The following ATP2B2 variants were observed in gnomAD, a reference collection of about 807,000 sequenced individuals.
The protein encoded by ATP2B2 is ATPase plasma membrane Ca2+ transporting 2, also known as plasma membrane calcium-transporting ATPase 2.
ATP2B2 carries 15 observed loss-of-function variants against 120.0 expected under a neutral mutation model. That is an observed-to-expected ratio of 0.12 (90% CI 0.08 to 0.19). The LOEUF is 0.19. Ranked by LOEUF, ATP2B2 falls within the 10% of genes least tolerant of loss-of-function variation. The probability of loss-of-function intolerance (pLI) is 1.00; values close to 1 mark genes in which losing one functional copy is unlikely to be tolerated. For synonymous variants in ATP2B2, 694 were observed against 700.3 expected (o/e 0.99, Z 0.14); for missense variants, 1,045 against 1,719.8 (o/e 0.61, Z 6.94).
intron 1 of ATP2B2, among the ~76,000 whole-genome samples, chr3:10,486,595 T>G (rs1476486292): frequency 6.6e-6 from 1 of 152,096 alleles, no homozygotes; most frequent in Non-Finnish European, 1.5e-5. Flanking sequence ...CTTCCCCAGA[T>G]GGTGGCATCT....
At chr3:10,495,184 T>C (rs980203865) in intron 1 of ATP2B2, among the ~76,000 whole-genome samples, 1 of 152,202 alleles carries the variant, frequency 6.6e-6, no homozygotes, top group Non-Finnish European at 1.5e-5. Context: ...CATTGGGACA[T>C]GGGCCAGGTA....
At position 10,643,065 on chromosome 3, in the gene ATP2B2, CACA is replaced by C. The variant is rs369120862; in HGVS notation, c.-459-23107_-459-23105del. ...AAGGAGATGCTTAAATACGCACTCA[CACA>C]ACAACAACAACAACAACAACAGCAA... On this transcript the variant is annotated intron_variant, in intron 1 of 21. Transcript: ENST00000646379. Among the ~76,000 whole-genome samples, 475 of 151,882 alleles carry C rather than the reference CACA, an allele frequency of 3.1e-3. 4 individuals are homozygous for C. The highest frequency in any genetic ancestry group is 0.011 in the African/African-American group (458 of 41,422).
chr3:10,623,074 T>TTC, intron 1 of ATP2B2, among the ~76,000 whole-genome samples: 1 of 149,064 alleles, frequency 6.7e-6, no homozygotes, highest in Non-Finnish European at 1.5e-5. Flanking sequence ...TTTTTTTTTT[T>TTC]TTCCCTGAGG....
At chr3:10,537,502 T>C (rs1037588141) in intron 2 of ATP2B2, among the ~76,000 whole-genome samples, 1 of 144,752 alleles carries the variant, frequency 6.9e-6, no homozygotes, top group African/African-American at 2.7e-5. Context: ...TGCTAGTGTA[T>C]GAAAATACAT....
At chr3:10,621,022 G>A (rs1359202329) in intron 1 of ATP2B2, among the ~76,000 whole-genome samples, 2 of 152,264 alleles carry the variant, frequency 1.3e-5, no homozygotes, top group Non-Finnish European at 2.9e-5. Context: ...CTACCTCACT[G>A]ACCATGAGAT....
At chr3:10,567,072 C>A (rs1239120449) in intron 2 of ATP2B2, among the ~76,000 whole-genome samples, 1 of 152,210 alleles carries the variant, frequency 6.6e-6, no homozygotes, top group Non-Finnish European at 1.5e-5. Context: ...CCTCTCCTCA[C>A]CATAACTGGG....
At chr3:10,435,147 A>G (rs572578563) in intron 2 of ATP2B2, among the ~76,000 whole-genome samples, 2 of 152,254 alleles carry the variant, frequency 1.3e-5, no homozygotes, top group South Asian at 4.1e-4. Flanking sequence ...CACATGCAAA[A>G]TGGGGGTAGG....
chr3:10,680,708 T>C (rs1035545984), intron 1 of ATP2B2, among the ~76,000 whole-genome samples: 2 of 152,136 alleles, frequency 1.3e-5, no homozygotes, highest in Non-Finnish European at 2.9e-5. Flanking sequence ...TACACATTCG[T>C]CCTGAGCATA....
chr3:10,400,581 G>A (rs2062184996), intron 5 of ATP2B2, among the ~76,000 whole-genome samples: 2 of 152,154 alleles, frequency 1.3e-5, no homozygotes, highest in African/African-American at 4.8e-5. Context: ...GCCGGGCCCA[G>A]TACCTGGCAC....
At chr3:10,612,004 C>T (rs1335105968) in intron 2 of ATP2B2, among the ~76,000 whole-genome samples, 1 of 152,210 alleles carries the variant, frequency 6.6e-6, no homozygotes, top group Admixed American at 6.5e-5. Context: ...TGCCAGCCAG[C>T]ATCGCATTTT....
intron 1 of ATP2B2, among the ~76,000 whole-genome samples, chr3:10,625,337 G>C (rs1258362942): frequency 6.6e-6 from 1 of 152,206 alleles, no homozygotes; most frequent in Admixed American, 6.5e-5. Flanking sequence ...GGGGGCCTGG[G>C]TCAAGAGTGA....
chr3:10,529,094 G>A (rs566761604), intron 3 of ATP2B2, among the ~76,000 whole-genome samples: 16 of 152,198 alleles, frequency 1.1e-4, no homozygotes, highest in African/African-American at 1.9e-4. Flanking sequence ...CCACCTTCCC[G>A]GGGGAAGACT....
intron 1 of ATP2B2, among the ~76,000 whole-genome samples, chr3:10,691,499 C>A (rs2071662211): frequency 6.6e-6 from 1 of 152,180 alleles, no homozygotes; most frequent in Non-Finnish European, 1.5e-5. Context: ...CCAGACAGCT[C>A]CTCTGTGGGG....
At chr3:10,647,558 G>A (rs927744186) in intron 1 of ATP2B2, among the ~76,000 whole-genome samples, 1 of 152,162 alleles carries the variant, frequency 6.6e-6, no homozygotes, top group Non-Finnish European at 1.5e-5. Context: ...AACATGAGGA[G>A]GGTCCCCTGT....
intron 8 of ATP2B2, 58 bp from the exon 9 acceptor site, chr3:10,379,342 C>T: frequency 1.9e-6 from 3 of 1,565,562 alleles, no homozygotes; most frequent in Non-Finnish European, 2.6e-6. Context: ...GGTCGGTCAT[C>T]ACGAAGACGC....
Position 10,638,450 on chromosome 3 carries a change from A to C in ATP2B2, c.-459-18489T>G, listed in dbSNP as rs986649019. ...GGTAGACTGTGATAAGTTAAAAAAA[A>C]CCACTAAAATAACAAAATACAGAAT... On this transcript the variant is annotated intron_variant, in intron 1 of 21. Coordinates refer to the ATP2B2 transcript ENST00000646379. Among the ~76,000 whole-genome samples the C allele has an allele frequency of 1.9e-4, 29 of 152,334 alleles. No homozygotes were observed. In the South Asian group the frequency reaches 3.1e-3, roughly 16 times the overall value.
intron 1 of ATP2B2, among the ~76,000 whole-genome samples, chr3:10,477,750 G>T (rs2125308660): frequency 6.6e-6 from 1 of 152,292 alleles, no homozygotes; most frequent in Middle Eastern, 3.4e-3. Context: ...GAGTAATATT[G>T]CATTGTATGA....
intron 1 of ATP2B2, among the ~76,000 whole-genome samples, chr3:10,643,906 A>G (rs191075439): frequency 2.0e-5 from 3 of 152,324 alleles, no homozygotes; most frequent in Admixed American, 2.0e-4. Context: ...AAAAGCAACA[A>G]AAAGGAAATA....
At chr3:10,370,281 C>T (rs960061777) in intron 12 of ATP2B2, among the ~76,000 whole-genome samples, 1 of 152,260 alleles carries the variant, frequency 6.6e-6, no homozygotes, top group Non-Finnish European at 1.5e-5. Flanking sequence ...CAGGGCTGTG[C>T]CCACATGGCT....
Sources: allele counts gnomAD v4.1 joint callset (sites outside exome capture counted in the v4.1 genomes callset), GRCh38; gene constraint gnomAD v4.1.1; transcripts MANE v1.5; gene names NCBI Gene and HGNC (gene_info 2026-07-23, HGNC 2026-07-21).